LIAS: variants seen among roughly 807,000 people sequenced by gnomAD.
The protein encoded by LIAS is lipoic acid synthetase, also known as lipoyl synthase, mitochondrial.
Under a neutral mutation model 49.4 loss-of-function variants are expected in LIAS, and 36 were observed. That is an observed-to-expected ratio of 0.73 (90% confidence interval 0.56 to 0.96). The LOEUF is 0.96. Ranked by LOEUF, LIAS falls within the 40% of genes least tolerant of loss-of-function variation. The probability of loss-of-function intolerance (pLI) is 0.00; values close to 1 mark genes in which losing one functional copy is unlikely to be tolerated. For missense variants in LIAS, 399 were observed against 456.3 expected (o/e 0.87, Z 1.14); for synonymous variants, 145 against 155.8 (o/e 0.93, Z 0.52).
At chr4:39,468,318 A>G (rs1353616395) in intron 7 of LIAS, 1 of 151,130 alleles carries the variant, frequency 6.6e-6, no homozygotes, top group Non-Finnish European at 1.5e-5. Flanking sequence ...CGTCTCTACT[A>G]AAAATACAAG....
In LIAS at chr4:39,477,063, G is replaced by T; in HGVS notation, c.1067G>T (p.Gly356Val). The T allele has an allele frequency of 6.3e-7, 1 of 1,574,950 alleles. No individual in the cohort carries two copies. Among genetic ancestry groups the T allele is most frequent in the East Asian group, 2.3e-5 (1 of 44,340 alleles). ...GPLVRSSYKAGEFFLKNLVAK... is the reference protein window; with the variant it reads ...GPLVRSSYKAVEFFLKNLVAK... ...ATGTGTTTTCCTTTTTCCTAAATAG[G>T]TGAATTTTTCCTGAAAAATCTAGTG... Residue 356 changes from glycine to valine, a missense_variant and splice_region_variant, in exon 11 of 11, where the codon GGT becomes GTT. Gly to Val is a moderately radical substitution (Grantham distance 109). This residue lies in a region of LIAS where 234 missense variants were observed against 292.2 expected (regional missense o/e 0.80). Coordinates refer to ENST00000640888, the MANE Select transcript of LIAS (RefSeq NM_006859.4).
At chr4:39,476,810 C>T in intron 10 of LIAS, 1 of 415,288 alleles carries the variant, frequency 2.4e-6, no homozygotes, top group Non-Finnish European at 4.3e-6. Context: ...TAGGGTCACC[C>T]TTTGTAATAT....
chr4:39,467,870 AT>A (rs1297628743), intron 7 of LIAS: 3 of 245,380 alleles, frequency 1.2e-5, no homozygotes, highest in African/African-American at 6.7e-5. Flanking sequence ...CCACCCAGCA[AT>A]ATCAGTTACT....
rs140846573 is a variant in LIAS at position 39,470,088 on chromosome 4, G to T, written c.807G>T (p.Gln269His). 1.1e-5 allele frequency: 17 copies of T among 1,613,870 alleles called. No individual in the cohort carries two copies. The highest frequency in any genetic ancestry group is 1.4e-5 in the Non-Finnish European group (16 of 1,179,916). Residue 269 changes from glutamine to histidine, a missense_variant, in exon 8 of 11, where the codon CAG becomes CAT. Transcript: ENST00000640888. Reference protein sequence around the residue: ...LRVLKHAKKVQPDVISKTSIM... With the variant: ...LRVLKHAKKVHPDVISKTSIM... Reference sequence around the variant, plus strand: ...TACTGAAACATGCCAAGAAGGTTCAGCCTGATGTTATTTCTAAAACATCTA... The same window carrying T: ...TACTGAAACATGCCAAGAAGGTTCATCCTGATGTTATTTCTAAAACATCTA...
intron 7 of LIAS, chr4:39,469,417 A>G (rs1328512734): frequency 6.6e-6 from 1 of 152,220 alleles, no homozygotes; most frequent in African/African-American, 2.4e-5. Flanking sequence ...GGCTTAAAGG[A>G]TAAGTCATTT....
In LIAS at chr4:39,477,639, GATGTA is replaced by G. The variant is rs1745246297; in HGVS notation, c.*527_*531del. 6.6e-6 allele frequency: 1 copy of G among 152,234 alleles called. No individual in the cohort carries two copies. Among genetic ancestry groups the G allele is most frequent in the African/African-American group, 2.4e-5 (1 of 41,422 alleles). The allele number at this position is 152,234 out of a possible 1,614,324, so 9.4% of individuals were successfully genotyped here. ...TCCCAATTAAACAGTTGCTTGCTGTGATGTAATCTTAAAATATCTTTGTAAGAATT... is the reference window on the plus strand; with the variant it reads ...TCCCAATTAAACAGTTGCTTGCTGTGATCTTAAAATATCTTTGTAAGAATT... On this transcript the variant is annotated 3_prime_UTR_variant, in exon 11 of 11. Transcript: ENST00000640888.
At chr4:39,459,441 G>A (rs886409421) in intron 1 of LIAS, among the ~76,000 whole-genome samples, 1 of 152,124 alleles carries the variant, frequency 6.6e-6, no homozygotes, top group African/African-American at 2.4e-5. Context: ...GCACTGCAGT[G>A]AGCACCCCAC....
intron 2 of LIAS, among the ~76,000 whole-genome samples, 187 bp from the exon 3 acceptor site, chr4:39,462,009 A>G (rs567630828): frequency 2.0e-5 from 3 of 152,208 alleles, no homozygotes; most frequent in South Asian, 2.1e-4. Context: ...GGTGTTTTCT[A>G]AAGTGGTTTG....
At chr4:39,470,860 G>T (rs1305470222) in intron 8 of LIAS, among the ~76,000 whole-genome samples, 1 of 152,152 alleles carries the variant, frequency 6.6e-6, no homozygotes, top group African/African-American at 2.4e-5. Context: ...TTGAGTAAAA[G>T]CCTAATGCAA....
At position 39,460,891 on chromosome 4, in the gene LIAS, A is replaced by G. The variant is rs369988555; in HGVS notation, c.147A>G (p.Val49=). 4.3e-6 allele frequency: 7 copies of G among 1,613,310 alleles called. No individual in the cohort carries two copies. Among genetic ancestry groups the G allele is most frequent in the South Asian group, 1.1e-5 (1 of 90,890 alleles). ...ATGGACCAGACCTTCAAGATTTTGTATCTGGTGATCTTGCAGACAGGAGCA... is the reference window on the plus strand; with the variant it reads ...ATGGACCAGACCTTCAAGATTTTGTGTCTGGTGATCTTGCAGACAGGAGCA... ...LQNGPDLQDF[V]SGDLADRSTW... Residue 49 remains valine, a synonymous_variant, in exon 2 of 11, where the codon GTA becomes GTG. Coordinates refer to ENST00000640888, the MANE Select transcript of LIAS (RefSeq NM_006859.4).
chr4:39,474,959 AAC>A (rs1745140210), intron 10 of LIAS: 1 of 152,134 alleles, frequency 6.6e-6, no homozygotes, highest in African/African-American at 2.4e-5. Flanking sequence ...CTGAAATCCC[AAC>A]ACTTTGGGAG....
At position 39,460,863 on chromosome 4, in the gene LIAS, A is replaced by G. The variant is rs756576591; in HGVS notation, c.119A>G (p.Gln40Arg). The change falls in exon 2 of 11, where the codon CAG (glutamine) becomes CGG (arginine). Residue 40 changes from glutamine to arginine, a missense_variant. Gln to Arg is a conservative substitution (Grantham distance 43, BLOSUM62 1). This residue lies in a region of LIAS where 159 missense variants were observed against 147.6 expected (regional missense o/e 1.08). Transcript: ENST00000640888. The part of the protein sequence containing the change: ...SLPDKKKELL[Q>R]NGPDLQDFVS... ...CCAGATAAAAAAAAGGAACTCCTACAGAATGGACCAGACCTTCAAGATTTT... is the reference window on the plus strand; with the variant it reads ...CCAGATAAAAAAAAGGAACTCCTACGGAATGGACCAGACCTTCAAGATTTT... The G allele has an allele frequency of 1.9e-6, 3 of 1,612,746 alleles. No homozygotes were observed. The highest frequency in any genetic ancestry group is 2.5e-6 in the Non-Finnish European group (3 of 1,179,492).
chr4:39,459,685 C>A (rs1744344652), intron 1 of LIAS, among the ~76,000 whole-genome samples: 1 of 152,190 alleles, frequency 6.6e-6, no homozygotes, highest in Non-Finnish European at 1.5e-5. Context: ...GATGTAAAAG[C>A]CGAATACCAT....
chr4:39,469,206 A>G (rs1560670557), intron 7 of LIAS: 1 of 152,238 alleles, frequency 6.6e-6, no homozygotes, highest in Non-Finnish European at 1.5e-5. Context: ...CATAAACAGT[A>G]GAGACCATAA....
chr4:39,472,966 G>A, intron 9 of LIAS, 134 bp from the exon 10 acceptor site: 1 of 589,638 alleles, frequency 1.7e-6, no homozygotes, highest in Non-Finnish European at 3.0e-6. Context: ...AGGGAGGAGG[G>A]AGAGGACAAA....
chr4:39,472,832 T>G (rs1375282374), intron 9 of LIAS, among the ~76,000 whole-genome samples: 2 of 152,218 alleles, frequency 1.3e-5, no homozygotes, highest in Admixed American at 1.3e-4. Flanking sequence ...GTAGATAATC[T>G]CTTCTTTCTC....
chr4:39,459,147 C>T lies in LIAS; in HGVS notation c.30C>T (p.Arg10=), dbSNP rs1052946160. The change falls in exon 1 of 11, where the codon CGC becomes CGT. Residue 10 remains arginine (R), a synonymous_variant. Transcript: ENST00000640888. The part of the protein sequence containing the change: MSLRCGDAA[R]TLGPRVFGRY... ...CTCTACGCTGCGGGGATGCAGCCCG[C>T]ACCCTGGGGCCCCGGGTGAGCGGCG... is the stretch of plus-strand genomic sequence containing the variant. 1.2e-6 allele frequency: 2 copies of T among 1,613,574 alleles called. No homozygotes were observed. Among genetic ancestry groups the T allele is most frequent in the Admixed American group, 1.7e-5 (1 of 60,018 alleles).
chr4:39,471,205 G>C (rs755269987), intron 8 of LIAS, 31 bp from the exon 9 acceptor site: 7 of 1,512,470 alleles, frequency 4.6e-6, no homozygotes, highest in Non-Finnish European at 6.4e-6. Context: ...TAAAGTATTT[G>C]CTAATGTAAT....
chr4:39,476,890 AG>A (rs753595460), intron 10 of LIAS, 172 bp from the exon 11 acceptor site: 6 of 559,384 alleles, frequency 1.1e-5, no homozygotes, highest in Non-Finnish European at 1.9e-5. Flanking sequence ...CAAAGATAAT[AG>A]GGGATATTTA....
Sources: gnomAD v4.1 joint callset for allele counts (sites outside exome capture counted in the v4.1 genomes callset) on GRCh38, gnomAD v4.1.1 for gene constraint, gnomAD v4.1.1 regional missense constraint, MANE v1.5 for transcripts, NCBI Gene and HGNC (gene_info 2026-07-23, HGNC 2026-07-21) for gene names.